Variants in PCDH15 observed in about 807,000 individuals in gnomAD.
The protein encoded by PCDH15 is protocadherin-15.
Under a neutral mutation model 178.5 loss-of-function variants are expected in PCDH15, and 129 were observed. The observed-to-expected ratio is 0.72, with a 90% CI of 0.63 to 0.84. PCDH15 has a LOEUF of 0.84. Among genes scored for constraint, PCDH15 ranks in the 40% least tolerant of loss-of-function variants. The pLI, the probability that PCDH15 is intolerant of heterozygous loss-of-function variation, is 0.00. For missense variants in PCDH15, 2,230 were observed against 2,099.9 expected (o/e 1.06, Z -1.21); for synonymous variants, 800 against 732.0 (o/e 1.09, Z -1.50).
At chr10:55,539,873 T>C (rs569957534) in intron 2 of PCDH15, among the ~76,000 whole-genome samples, 2 of 152,234 alleles carry the variant, frequency 1.3e-5, no homozygotes, top group South Asian at 2.1e-4. Flanking sequence ...TACTCTTGTA[T>C]ATACTTTACA....
chr10:54,549,547 C>T (rs1035553289), intron 2 of PCDH15, among the ~76,000 whole-genome samples: 3 of 151,630 alleles, frequency 2.0e-5, no homozygotes, highest in Non-Finnish European at 2.9e-5. Flanking sequence ...TAAAATTTAT[C>T]GAAACCTTCT....
intron 21 of PCDH15, among the ~76,000 whole-genome samples, chr10:53,977,876 G>T (rs573278081): frequency 6.6e-6 from 1 of 152,302 alleles, no homozygotes; most frequent in South Asian, 2.1e-4. Flanking sequence ...ATCCAGGGGG[G>T]AAGTTAAATC....
chr10:55,137,270 A>ACT (rs1176813801), intron 2 of PCDH15, among the ~76,000 whole-genome samples: 1 of 152,182 alleles, frequency 6.6e-6, no homozygotes, highest in Non-Finnish European at 1.5e-5. Flanking sequence ...CCATATTTTT[A>ACT]CTGTACATTT....
intron 2 of PCDH15, among the ~76,000 whole-genome samples, chr10:55,155,427 C>T (rs972661176): frequency 8.3e-5 from 12 of 144,676 alleles, no homozygotes; most frequent in African/African-American, 3.1e-4. Context: ...GTTCCAGGTT[C>T]TTGCACACAT....
At chr10:54,984,188 C>T (rs1839309005) in intron 2 of PCDH15, among the ~76,000 whole-genome samples, 1 of 152,136 alleles carries the variant, frequency 6.6e-6, no homozygotes, top group Non-Finnish European at 1.5e-5. Context: ...GAAACAAGGT[C>T]CCTCTGATCT....
intron 2 of PCDH15, among the ~76,000 whole-genome samples, chr10:55,382,318 T>C (rs867412922): frequency 1.6e-4 from 24 of 152,280 alleles, no homozygotes; most frequent in Middle Eastern, 3.4e-3. Context: ...AAATTAAGGC[T>C]GCTAATCAGC....
intron 25 of PCDH15, among the ~76,000 whole-genome samples, chr10:53,914,141 T>C (rs941209045): frequency 6.6e-6 from 1 of 152,138 alleles, no homozygotes; most frequent in Admixed American, 6.5e-5. Flanking sequence ...TGTGGAGAAA[T>C]AGGAATGCTT....
intron 3 of PCDH15, among the ~76,000 whole-genome samples, chr10:54,513,826 C>A (rs2081946783): frequency 6.6e-6 from 1 of 152,106 alleles, no homozygotes; most frequent in African/African-American, 2.4e-5. Context: ...TGGAGAAATT[C>A]TTGGATTACA....
chr10:55,009,989 T>C (rs547119965), intron 2 of PCDH15, among the ~76,000 whole-genome samples: 1 of 152,276 alleles, frequency 6.6e-6, no homozygotes, highest in African/African-American at 2.4e-5. Context: ...TCTTAATCAG[T>C]CTCTCACTAA....
At chr10:54,486,744 T>C (rs1276439181) in intron 3 of PCDH15, among the ~76,000 whole-genome samples, 1 of 152,002 alleles carries the variant, frequency 6.6e-6, no homozygotes, top group African/African-American at 2.4e-5. Flanking sequence ...TAGGACTGAG[T>C]TCTAACTACT....
chr10:54,348,052 G>C (rs980658416), intron 5 of PCDH15, among the ~76,000 whole-genome samples: 1 of 151,876 alleles, frequency 6.6e-6, no homozygotes, highest in Non-Finnish European at 1.5e-5. Context: ...GTTTCACCGC[G>C]TTAGCAAGGA....
At chr10:54,939,494 CAAAAAAAAAAAAAAAA>C (rs71014430) in intron 2 of PCDH15, among the ~76,000 whole-genome samples, 1 of 26,666 alleles carries the variant, frequency 3.8e-5, no homozygotes, top group African/African-American at 1.0e-4. Context: ...GACTCCGTCT[CAAAAAAAAAAAAAAAA>C]AAAAAAAAAA....
At chr10:53,823,576 TG>T in intron 32 of PCDH15, 2 of 659,200 alleles carry the variant, frequency 3.0e-6, no homozygotes, top group East Asian at 5.6e-5. Context: ...GAAATGTAAA[TG>T]AAAAAAAAAG....
intron 3 of PCDH15, among the ~76,000 whole-genome samples, chr10:54,512,897 T>A (rs2081849277): frequency 6.6e-6 from 1 of 152,026 alleles, no homozygotes; most frequent in Non-Finnish European, 1.5e-5. Flanking sequence ...GATTTTACCA[T>A]CAAAAGTTAA....
chr10:54,001,802 G>A (rs2092149966), intron 20 of PCDH15, among the ~76,000 whole-genome samples: 1 of 151,784 alleles, frequency 6.6e-6, no homozygotes, highest in African/African-American at 2.4e-5. Context: ...AGAAAAAAAA[G>A]ACAAAATGAT....
At chr10:55,272,725 A>G (rs930949644) in intron 1 of PCDH15, among the ~76,000 whole-genome samples, 3 of 152,068 alleles carry the variant, frequency 2.0e-5, no homozygotes, top group South Asian at 2.1e-4. Context: ...CAGTCTAAGA[A>G]TTAGAAGGCA....
chr10:53,809,006 G>A lies in PCDH15; in HGVS notation c.4671+1550C>T, dbSNP rs765589050. On this transcript the variant is annotated intron_variant, in intron 37 of 37. Coordinates refer to ENST00000644397, the MANE Select transcript of PCDH15 (RefSeq NM_001384140.1). ...ATCTTAGGTTCTTTTTGTTCTTCTTGTGGCTCCTCTTTCCTACCCTTGACT... is the reference window on the plus strand; with the variant it reads ...ATCTTAGGTTCTTTTTGTTCTTCTTATGGCTCCTCTTTCCTACCCTTGACT... The A allele has an allele frequency of 3.2e-6, 5 of 1,578,066 alleles. 1 individual carries two copies. In the South Asian group the frequency reaches 3.4e-5, roughly 11 times the overall value.
At chr10:53,829,131 C>G (rs1404742942) in intron 30 of PCDH15, among the ~76,000 whole-genome samples, 1 of 152,140 alleles carries the variant, frequency 6.6e-6, no homozygotes, top group African/African-American at 2.4e-5. Flanking sequence ...TTCATTCTTA[C>G]CTTATTTGCA....
At chr10:54,352,668 G>C (rs1428480400) in intron 5 of PCDH15, among the ~76,000 whole-genome samples, 1 of 152,106 alleles carries the variant, frequency 6.6e-6, no homozygotes, top group East Asian at 1.9e-4. Context: ...AGTGATGCAA[G>C]ATTACATATC....
Sources: allele counts gnomAD v4.1 joint callset (sites outside exome capture counted in the v4.1 genomes callset), GRCh38; gene constraint gnomAD v4.1.1; transcripts MANE v1.5; gene names NCBI Gene and HGNC (gene_info 2026-07-23, HGNC 2026-07-21).